The following PLXNB3 variants were observed in gnomAD, a reference collection of about 807,000 sequenced individuals.
PLXNB3 encodes plexin-B3.
A neutral mutation model predicts 125.7 loss-of-function variants in PLXNB3; 80 were observed. The ratio of observed to expected loss-of-function variants is 0.64; its 90% CI spans 0.53 to 0.77. The LOEUF (loss-of-function observed/expected upper bound fraction) is 0.77. PLXNB3 is among the 30% of genes least tolerant of loss of function. PLXNB3 has a pLI of 0.00. For missense variants in PLXNB3, 1,836 were observed against 1,729.3 expected, an observed-to-expected ratio of 1.06 and a Z score of -1.09; for synonymous variants, 954 against 783.3, an observed-to-expected ratio of 1.22 and a Z score of -3.64.
At chrX:153,765,876 C>G in intron 2 of PLXNB3, 5 of 753,970 alleles carry the variant, frequency 6.6e-6, no homozygotes, top group Non-Finnish European at 6.3e-6. Flanking sequence ...GCAGGAGGGG[C>G]CAGAGAAGGG....
chrX:153,767,908 C>G lies in PLXNB3; in HGVS notation c.1081C>G (p.Pro361Ala). 1 of 1,092,060 alleles carries G rather than the reference C, an allele frequency of 9.2e-7. No homozygotes were observed. 90.0% of individuals were successfully genotyped at this position (1,092,060 alleles called of 1,213,427 possible). The change falls in exon 3 of 36, where the codon CCC becomes GCC. Residue 361 changes from proline to alanine, a missense_variant. By Grantham distance (27) the Pro-to-Ala change is conservative. Transcript: ENST00000361971. ...YGVTSRCVTL[P>A]LDSPESYPCG... ...CGTCACGTCGCGCTGCGTCACCCTG[C>G]CCCTTGTGAGTGGCATGCCCTTCCA... is the stretch of plus-strand genomic sequence containing the variant.
chrX:153,775,737 T>C, intron 26 of PLXNB3, 77 bp downstream of exon 26: 4 of 1,108,039 alleles, frequency 3.6e-6, no homozygotes, highest in Non-Finnish European at 4.9e-6. Context: ...GGCTACTGCC[T>C]GCGCCCTACG....
rs1206063762 is a variant in PLXNB3 at position 153,777,521 on chromosome X, C to A, written c.5101-7C>A. On this transcript the variant is annotated splice_region_variant and splice_polypyrimidine_tract_variant and intron_variant, in intron 30 of 35. Transcript: ENST00000361971. ...CCTCCACACAGCCCTTATCCCCTGC[C>A]TCGCAGGGCACGCTGCAGAAGTTTG... 2.5e-6 allele frequency: 3 copies of A among 1,209,751 alleles called. No homozygotes were observed. The highest frequency in any genetic ancestry group is 3.4e-6 in the Non-Finnish European group (3 of 894,721).
intron 12 of PLXNB3, 71 bp from the exon 13 acceptor site, chrX:153,771,239 T>G: frequency 1.0e-6 from 1 of 957,355 alleles, no homozygotes; most frequent in Non-Finnish European, 1.5e-6. Context: ...TTCTGGGGGG[T>G]GGCCCAGAGG....
Position 153,770,083 on chromosome X carries a change from G to C in PLXNB3, c.1630-9G>C, listed in dbSNP as rs782607709. On this transcript the variant is annotated splice_polypyrimidine_tract_variant and intron_variant, in intron 7 of 35. Transcript: ENST00000361971. Reference sequence around the variant, plus strand: ...CTACATCTCCCGGTTTCTCCCCGCTGCATCCCAGGTCACTTTGTCTGTCCC... The same window carrying C: ...CTACATCTCCCGGTTTCTCCCCGCTCCATCCCAGGTCACTTTGTCTGTCCC... 3 of 1,208,391 alleles carry C rather than the reference G, an allele frequency of 2.5e-6. No homozygotes were observed. The African/African-American group carries it at 5.2e-5, about 21-fold the overall frequency.
chrX:153,767,431 C>A lies in PLXNB3; in HGVS notation c.604C>A (p.Pro202Thr). Reference sequence around the variant, plus strand: ...GGGCAAGCTGTCGGCAGGGGTGCCACCCCTGGCCATCCGCCAGCTGGCCGG... The same window carrying A: ...GGGCAAGCTGTCGGCAGGGGTGCCAACCCTGGCCATCCGCCAGCTGGCCGG... ...LAGKLSAGVP[P>T]LAIRQLAGSQ... The change falls in exon 3 of 36, where the codon CCC (proline) becomes ACC (threonine). Residue 202 changes from proline to threonine, a missense_variant. By Grantham distance (38) the Pro-to-Thr change is conservative (BLOSUM62 -1). Transcript: ENST00000361971. 8.4e-7 allele frequency: 1 copy of A among 1,188,694 alleles called. No homozygotes were observed. Among genetic ancestry groups the A allele is most frequent in the South Asian group, 1.9e-5 (1 of 53,747 alleles).
intron 35 of PLXNB3, 76 bp downstream of exon 35, chrX:153,778,750 G>A: frequency 1.8e-6 from 2 of 1,120,860 alleles, no homozygotes; most frequent in Non-Finnish European, 2.4e-6. Context: ...GAGCAGGGGT[G>A]CCAGCCCATG....
chrX:153,776,292 C>T (rs2148430064), intron 27 of PLXNB3, 64 bp from the exon 28 acceptor site: 1 of 1,067,723 alleles, frequency 9.4e-7, no homozygotes, highest in Admixed American at 2.3e-5. Flanking sequence ...TCAACTGTGT[C>T]TTACTATGAG....
intron 7 of PLXNB3, 33 bp downstream of exon 7, chrX:153,769,972 C>A (rs782263278): frequency 8.4e-7 from 1 of 1,196,078 alleles, no homozygotes; most frequent in Non-Finnish European, 1.1e-6. Context: ...GCCCTCTGGG[C>A]AGCATGACCA....
Position 153,772,959 on chromosome X carries a change from A to G in PLXNB3, c.2849A>G (p.Gln950Arg), listed in dbSNP as rs1557062526. 8.3e-6 allele frequency: 10 copies of G among 1,198,859 alleles called. No homozygotes were observed. Among genetic ancestry groups the G allele is most frequent in the Non-Finnish European group, 1.1e-5 (10 of 890,314 alleles). Residue 950 changes from glutamine to arginine, a missense_variant, in exon 17 of 36, where the codon CAG becomes CGG. Transcript: ENST00000361971. ...AGGTQLTIRG[Q>R]HLQTGGNTSA... The stretch of plus-strand genomic sequence containing the variant: ...GGCACCCAGCTCACCATCCGAGGTC[A>G]GCACCTCCAGACAGGTGGCAACACC...
rs893357388 is a variant in PLXNB3 at position 153,777,752 on chromosome X, A to T, written c.5261+64A>T. On this transcript the variant is annotated intron_variant, in intron 31 of 35. Transcript: ENST00000361971. ...TCCACTGAGTCCCAGAGAGACCAGG[A>T]CATTCCCAGGGTGGATGCGCCCACC... is the stretch of plus-strand genomic sequence containing the variant. 7.6e-5 allele frequency: 88 copies of T among 1,150,621 alleles called. No individual in the cohort carries two copies. The Admixed American group carries it at 1.9e-3, about 25-fold the overall frequency. The allele number at this position is 1,150,621 out of a possible 1,213,427, so 94.8% of individuals were successfully genotyped here.
In PLXNB3 at chrX:153,777,210, A is replaced by G; in HGVS notation, c.4930A>G (p.Ile1644Val). 8.7e-7 allele frequency: 1 copy of G among 1,147,086 alleles called. No homozygotes were observed. Among genetic ancestry groups the G allele is most frequent in the Non-Finnish European group, 1.2e-6 (1 of 860,183 alleles). 94.5% of individuals were successfully genotyped at this position (1,147,086 alleles called of 1,213,427 possible). The change falls in exon 30 of 36, where the codon ATA becomes GTA. Residue 1644 changes from isoleucine to valine, a missense_variant and splice_region_variant. Transcript: ENST00000361971. ...AAGCCAGGCTCCTGTGCCCTCAGAC[A>G]TACCCACGCTGGAGGATGGCGAGGA... is the stretch of plus-strand genomic sequence containing the variant. ...LAQRCPLGENIPTLEDGEEGG... is the reference protein window; with the variant it reads ...LAQRCPLGENVPTLEDGEEGG...
chrX:153,776,316 G>A (rs1392220227), intron 27 of PLXNB3, 40 bp from the exon 28 acceptor site: 4 of 1,100,425 alleles, frequency 3.6e-6, no homozygotes, highest in South Asian at 3.7e-5. Context: ...GGGGCGTGGA[G>A]AGCAGGCTGT....
In PLXNB3 at chrX:153,772,024, C is replaced by T. The variant is rs1044510020; in HGVS notation, c.2669+9C>T. On this transcript the variant is annotated intron_variant, in intron 15 of 35. Coordinates refer to ENST00000361971, the MANE Select transcript of PLXNB3 (RefSeq NM_005393.3). ...TACCGCACGTCGGCCCGGTGAGGCA[C>T]TTGGAGGGTGAAGATGGGTGGGGAG... is the stretch of plus-strand genomic sequence containing the variant. 2 of 1,183,710 alleles carry T rather than the reference C, an allele frequency of 1.7e-6. No individual in the cohort carries two copies. Among genetic ancestry groups the T allele is most frequent in the African/African-American group, 3.5e-5 (2 of 57,123 alleles).
At position 153,767,325 on chromosome X, in the gene PLXNB3, C is replaced by T. The variant is rs2091869639; in HGVS notation, c.498C>T (p.Ala166=). ...CTGGTGACGGGCAGTTTGTGGCTGCCAATACCCCGGGAGTGGCAACGGTGG... is the reference window on the plus strand; with the variant it reads ...CTGGTGACGGGCAGTTTGTGGCTGCTAATACCCCGGGAGTGGCAACGGTGG... ...EDPGDGQFVA[A]NTPGVATVGL... is the part of the protein sequence containing the mutation. Residue 166 remains alanine (A), a synonymous_variant, in exon 3 of 36, where the codon GCC becomes GCT. Coordinates refer to ENST00000361971, the MANE Select transcript of PLXNB3 (RefSeq NM_005393.3). The T allele has an allele frequency of 3.3e-6, 4 of 1,204,714 alleles. No individual in the cohort carries two copies. In the African/African-American group the frequency reaches 5.2e-5, roughly 16 times the overall value.
In PLXNB3 at chrX:153,774,326, C is replaced by T. The variant is rs782207992; in HGVS notation, c.3660C>T (p.Ser1220=). The change falls in exon 21 of 36, where the codon TCC becomes TCT. Residue 1220 remains serine (S), a synonymous_variant. Coordinates refer to ENST00000361971, the MANE Select transcript of PLXNB3 (RefSeq NM_005393.3). Reference sequence around the variant, plus strand: ...ACGCCCCGCAGCCTGCCAATGGCTCCGGCCTGCCACAGTTCGTGGTGAGTC... The same window carrying T: ...ACGCCCCGCAGCCTGCCAATGGCTCTGGCCTGCCACAGTTCGTGGTGAGTC... ...PAHAPQPANG[S]GLPQFVVQMG... The T allele has an allele frequency of 4.1e-5, 48 of 1,158,794 alleles. No homozygotes were observed. In the Middle Eastern group the frequency reaches 2.3e-3, roughly 56 times the overall value.
chrX:153,772,776 A>G, intron 16 of PLXNB3, 110 bp from the exon 17 acceptor site: 1 of 1,032,649 alleles, frequency 9.7e-7, no homozygotes, highest in South Asian at 3.1e-5. Context: ...CCAGGAGGTG[A>G]AGTCCAGAGA....
At position 153,778,950 on chromosome X, in the gene PLXNB3, G is replaced by A. The variant is rs2092025538; in HGVS notation, c.5641G>A (p.Glu1881Lys). 1 of 1,186,472 alleles carries A rather than the reference G, an allele frequency of 8.4e-7. No individual in the cohort carries two copies. The highest frequency in any genetic ancestry group is 2.4e-5 in the Admixed American group (1 of 42,209). ...RYYDQIISAL[E>K]EDPVGQKLQL... ...GCCCGGGCAGATTATCAGTGCCCTG[G>A]AGGAGGACCCTGTGGGCCAGAAGCT... The change falls in exon 36 of 36, where the codon GAG becomes AAG. Residue 1881 changes from glutamate (E) to lysine (K), a missense_variant. Coordinates refer to ENST00000361971, the MANE Select transcript of PLXNB3 (RefSeq NM_005393.3).
intron 28 of PLXNB3, 61 bp downstream of exon 28, chrX:153,776,520 A>T: frequency 1.4e-5 from 1 of 69,295 alleles, no homozygotes; most frequent in Non-Finnish European, 2.3e-5. Context: ...GAGGCAGGGC[A>T]GGGCGGGGCT....
Sources: gnomAD v4.1 joint callset for allele counts on GRCh38, gnomAD v4.1.1 for gene constraint, MANE v1.5 for transcripts, NCBI Gene and HGNC (gene_info 2026-07-23, HGNC 2026-07-21) for gene names.